Variants in CDH5 observed in about 807,000 individuals in gnomAD.
CDH5 encodes cadherin 5, also known as cadherin-5.
In CDH5, 28 loss-of-function variants were observed where a neutral mutation model predicts 62.0. That is an observed-to-expected ratio of 0.45 (90% confidence interval 0.33 to 0.62). The LOEUF (loss-of-function observed/expected upper bound fraction) is 0.62, where lower values mean the gene tolerates loss of function less well. Among genes scored for constraint, CDH5 ranks in the 20% least tolerant of loss-of-function variants. The pLI is 0.02. For synonymous variants in CDH5, 464 were observed against 445.8 expected, an observed-to-expected ratio of 1.04 and a Z score of -0.52; for missense variants, 940 against 1,065.1, an observed-to-expected ratio of 0.88 and a Z score of 1.63.
At position 66,379,325 on chromosome 16, in the gene CDH5, T is replaced by C; in HGVS notation, c.-13T>C. The C allele has an allele frequency of 6.3e-7, 1 of 1,596,606 alleles. No homozygotes were observed. Among genetic ancestry groups the C allele is most frequent in the South Asian group, 1.1e-5 (1 of 90,212 alleles). On this transcript the variant is annotated 5_prime_UTR_variant, in exon 2 of 12. Transcript: ENST00000341529. Reference sequence around the variant, plus strand: ...GTGTCTCCTCTTTCCCCAGATCTGTTCCTCCTGGGAAGATGCAGAGGCTCA... The same window carrying C: ...GTGTCTCCTCTTTCCCCAGATCTGTCCCTCCTGGGAAGATGCAGAGGCTCA...
At chr16:66,382,881 T>C (rs1960922101) in intron 2 of CDH5, among the ~76,000 whole-genome samples, 1 of 152,186 alleles carries the variant, frequency 6.6e-6, no homozygotes, top group Non-Finnish European at 1.5e-5. Context: ...GGCTGGACAA[T>C]GGGAGCAAGT....
At chr16:66,372,952 C>G (rs1169054027) in intron 1 of CDH5, among the ~76,000 whole-genome samples, 1 of 152,194 alleles carries the variant, frequency 6.6e-6, no homozygotes, top group Admixed American at 6.5e-5. Flanking sequence ...ACAGCAGCAT[C>G]GATAAGCATC....
In CDH5 at chr16:66,403,433, G is replaced by A. The variant is rs1441545893; in HGVS notation, c.*264G>A. On this transcript the variant is annotated 3_prime_UTR_variant, in exon 12 of 12. Coordinates refer to ENST00000341529, the MANE Select transcript of CDH5 (RefSeq NM_001795.5). This position sits in a 1 kb window ranked among gnomAD's most constrained non-coding sequence, Gnocchi z 4.3. Reference sequence around the variant, plus strand: ...TGGGCTCAGACATCCACATAACCCTGTCACCCACAGACCGCCGTCTAACTC... The same window carrying A: ...TGGGCTCAGACATCCACATAACCCTATCACCCACAGACCGCCGTCTAACTC... 2.0e-6 allele frequency: 1 copy of A among 501,206 alleles called. No homozygotes were observed. Among genetic ancestry groups the A allele is most frequent in the East Asian group, 3.5e-5 (1 of 28,304 alleles). 31.0% of individuals were successfully genotyped at this position (501,206 alleles called of 1,614,324 possible).
Position 66,398,519 on chromosome 16 carries a change from A to G in CDH5, c.1549A>G (p.Ile517Val). Residue 517 changes from isoleucine to valine, a missense_variant, in exon 10 of 12, where the codon ATC becomes GTC. By Grantham distance (29) the Ile-to-Val change is conservative. Coordinates refer to ENST00000341529, the MANE Select transcript of CDH5 (RefSeq NM_001795.5). ...ACCACGAAACGTGAAGTTCAAATTC[A>G]TCTTGAATACTGAGAACAACTTTAC... ...ITPRNVKFKF[I>V]LNTENNFTLT... 3 of 1,604,884 alleles carry G rather than the reference A, an allele frequency of 1.9e-6. No individual in the cohort carries two copies. The highest frequency in any genetic ancestry group is 2.6e-6 in the Non-Finnish European group (3 of 1,171,774).
intron 11 of CDH5, among the ~76,000 whole-genome samples, chr16:66,401,922 C>T (rs536137857): frequency 2.6e-5 from 4 of 152,336 alleles, no homozygotes; most frequent in Admixed American, 2.0e-4. Flanking sequence ...ACCTGCAATA[C>T]AGATTCCAGG....
intron 1 of CDH5, among the ~76,000 whole-genome samples, chr16:66,367,322 G>A (rs1326391143): frequency 6.6e-6 from 1 of 152,246 alleles, no homozygotes; most frequent in Non-Finnish European, 1.5e-5. Context: ...GCTGAGGCTT[G>A]GCTCTGGGCA....
rs1272465827 is a variant in CDH5, at chr16:66,400,862, G to T, written c.1683G>T (p.Gly561=). ...TACCCGTGGTCATCTCAGACAATGG[G>T]ATGCCAAGTCGCACGGGCACCAGCA... ...HFLPVVISDN[G]MPSRTGTSTL... is the part of the protein sequence containing the mutation. The change falls in exon 11 of 12, where the codon GGG becomes GGT. Residue 561 remains glycine (G), a synonymous_variant. Transcript: ENST00000341529. The T allele has an allele frequency of 6.2e-7, 1 of 1,614,212 alleles. No homozygotes were observed. The highest frequency in any genetic ancestry group is 8.5e-7 in the Non-Finnish European group (1 of 1,180,046).
intron 2 of CDH5, among the ~76,000 whole-genome samples, chr16:66,379,925 GT>G (rs1367672262): frequency 7.1e-6 from 1 of 140,532 alleles, no homozygotes; most frequent in Non-Finnish European, 1.6e-5. Context: ...AAAGGGGTAG[GT>G]GTTGGTGGTG....
Position 66,403,187 on chromosome 16 carries a change from G to T in CDH5, c.*18G>T. ...TGTATTAGGCGGCCGAGGTCACTCT[G>T]GGCCTGGGGACCCAAACCCCCTGCA... On this transcript the variant is annotated 3_prime_UTR_variant, in exon 12 of 12. Transcript: ENST00000341529. The surrounding 1 kb of genome is among the most constrained non-coding windows in gnomAD (Gnocchi z 4.3). The T allele has an allele frequency of 1.3e-6, 2 of 1,593,226 alleles. No individual in the cohort carries two copies. Among genetic ancestry groups the T allele is most frequent in the Non-Finnish European group, 1.7e-6 (2 of 1,171,226 alleles).
chr16:66,390,739 A>G, intron 6 of CDH5, 149 bp downstream of exon 6: 1 of 706,274 alleles, frequency 1.4e-6, no homozygotes, highest in Middle Eastern at 4.1e-4. Flanking sequence ...ACTGTGATCC[A>G]GTGTCTTAGG....
At position 66,374,203 on chromosome 16, in the gene CDH5, G is replaced by A. The variant is rs147086771; in HGVS notation, c.-19-5116G>A. 3.7e-3 allele frequency among the ~76,000 whole-genome samples: 559 copies of A among 152,308 alleles called. 2 individuals are homozygous for A. Among genetic ancestry groups the A allele is most frequent in the African/African-American group, 0.013 (541 of 41,558 alleles). On this transcript the variant is annotated intron_variant, in intron 1 of 11. Transcript: ENST00000341529. ...CGTGTGCCTCGGGGGAGTGCTCAGG[G>A]ATGTCAGCCCTCCTCCACCGTCCCA...
intron 1 of CDH5, among the ~76,000 whole-genome samples, chr16:66,369,911 G>A (rs906151010): frequency 1.3e-5 from 2 of 152,204 alleles, no homozygotes; most frequent in Non-Finnish European, 2.9e-5. Flanking sequence ...GGCAAGCTGA[G>A]TTCTGTTTTG....
In CDH5 at chr16:66,402,767, C is replaced by G. The variant is rs1297541019; in HGVS notation, c.1953C>G (p.Gly651=). Residue 651 remains glycine, a synonymous_variant, in exon 12 of 12, where the codon GGC becomes GGG. Transcript: ENST00000341529. The part of the protein sequence containing the change: ...QLVTYDEEGG[G]EMDTTSYDVS... ...TCACCTACGACGAGGAGGGCGGCGG[C>G]GAGATGGACACCACCAGCTACGATG... 3.7e-6 allele frequency: 6 copies of G among 1,607,878 alleles called. No homozygotes were observed. Among genetic ancestry groups the G allele is most frequent in the Non-Finnish European group, 5.1e-6 (6 of 1,178,090 alleles).
At chr16:66,370,867 C>T (rs1188479781) in intron 1 of CDH5, among the ~76,000 whole-genome samples, 1 of 152,190 alleles carries the variant, frequency 6.6e-6, no homozygotes, top group Non-Finnish European at 1.5e-5. Flanking sequence ...CTCCTCGAGG[C>T]TGGAAGGGGC....
intron 7 of CDH5, among the ~76,000 whole-genome samples, chr16:66,393,566 A>G (rs936839713): frequency 6.6e-6 from 1 of 152,202 alleles, no homozygotes; most frequent in African/African-American, 2.4e-5. Context: ...CCCATTCATG[A>G]GAACTCTGTC....
intron 8 of CDH5, 68 bp downstream of exon 8, chr16:66,396,269 T>C: frequency 6.3e-7 from 1 of 1,595,692 alleles, no homozygotes. Context: ...AAAACTGGCA[T>C]AATCAATAAT....
At chr16:66,370,690 G>A (rs1762828627) in intron 1 of CDH5, among the ~76,000 whole-genome samples, 1 of 152,188 alleles carries the variant, frequency 6.6e-6, no homozygotes, top group Non-Finnish European at 1.5e-5. Context: ...CTGGTGGCAG[G>A]TGGCAATCAG....
chr16:66,378,617 G>A (rs1040152890), intron 1 of CDH5, among the ~76,000 whole-genome samples: 3 of 152,262 alleles, frequency 2.0e-5, no homozygotes, highest in African/African-American at 4.8e-5. Context: ...AGGATAACCT[G>A]AGCACCCAAT....
intron 11 of CDH5, 44 bp from the exon 12 acceptor site, chr16:66,402,607 GC>G (rs1240839650): frequency 4.0e-6 from 6 of 1,484,576 alleles, no homozygotes; most frequent in Non-Finnish European, 5.4e-6. Context: ...GGCCGCCCAG[GC>G]CCCCAGCCTT....
Sources: allele counts gnomAD v4.1 joint callset (sites outside exome capture counted in the v4.1 genomes callset), GRCh38; gene constraint gnomAD v4.1.1; non-coding constraint Gnocchi (gnomAD v3.1); transcripts MANE v1.5; gene names NCBI Gene and HGNC (gene_info 2026-07-23, HGNC 2026-07-21).